KIF16B: variants seen among roughly 807,000 people sequenced by gnomAD.
KIF16B encodes kinesin family member 16B, also known as kinesin-like protein KIF16B.
In KIF16B, 98 loss-of-function variants were observed where a neutral mutation model predicts 156.3. The observed-to-expected ratio is 0.63, with a 90% CI of 0.53 to 0.74. The LOEUF is 0.74. KIF16B is among the 30% of genes least tolerant of loss of function. The pLI is 0.00. For missense variants in KIF16B, 1,421 were observed against 1,606.5 expected, an observed-to-expected ratio of 0.88 and a Z score of 1.97; for synonymous variants, 564 against 583.7, an observed-to-expected ratio of 0.97 and a Z score of 0.49.
At chr20:16,341,679 T>G (rs2064141477) in intron 23 of KIF16B, among the ~76,000 whole-genome samples, 1 of 152,244 alleles carries the variant, frequency 6.6e-6, no homozygotes, top group Admixed American at 6.5e-5. Context: ...TAGAAATGCA[T>G]GTTCTGAGGT....
At chr20:16,567,571 C>G (rs564707988) in intron 1 of KIF16B, among the ~76,000 whole-genome samples, 1 of 152,318 alleles carries the variant, frequency 6.6e-6, no homozygotes, top group South Asian at 2.1e-4. Flanking sequence ...GCTGGCTCAA[C>G]CCAGCATTAT....
At chr20:16,442,622 G>A (rs983918566) in intron 12 of KIF16B, among the ~76,000 whole-genome samples, 9 of 151,882 alleles carry the variant, frequency 5.9e-5, no homozygotes, top group African/African-American at 2.2e-4. Flanking sequence ...AAATCCTCTG[G>A]TTTATCTCTT....
intron 1 of KIF16B, among the ~76,000 whole-genome samples, chr20:16,570,938 A>T (rs1052363251): frequency 2.2e-4 from 33 of 152,280 alleles, no homozygotes; most frequent in African/African-American, 6.3e-4. Flanking sequence ...CCAAATGTCG[A>T]TCCTCAAATC....
At chr20:16,326,985 A>C (rs890665844) in intron 24 of KIF16B, among the ~76,000 whole-genome samples, 3 of 150,910 alleles carry the variant, frequency 2.0e-5, no homozygotes, top group African/African-American at 7.3e-5. Context: ...TAACATATAT[A>C]TGTGTGTATG....
At chr20:16,278,503 T>G (rs1601472589) in intron 25 of KIF16B, among the ~76,000 whole-genome samples, 1 of 152,324 alleles carries the variant, frequency 6.6e-6, no homozygotes, top group Non-Finnish European at 1.5e-5. Flanking sequence ...AGTGCTGACA[T>G]AGAGTACCTC....
intron 3 of KIF16B, among the ~76,000 whole-genome samples, chr20:16,519,337 G>T (rs1048186399): frequency 9.9e-5 from 15 of 152,042 alleles, no homozygotes; most frequent in Non-Finnish European, 1.5e-5. Context: ...GGCTGGACTT[G>T]TCCTGGCCTC....
chr20:16,437,986 T>TAA (rs774876495), intron 12 of KIF16B, among the ~76,000 whole-genome samples: 20 of 99,498 alleles, frequency 2.0e-4, no homozygotes, highest in Middle Eastern at 5.0e-3. Flanking sequence ...TAAAAAAAAA[T>TAA]AATAAAAAAA....
chr20:16,571,748 A>G (rs1600723665), intron 1 of KIF16B, among the ~76,000 whole-genome samples: 1 of 151,690 alleles, frequency 6.6e-6, no homozygotes, highest in African/African-American at 2.4e-5. Flanking sequence ...TCCTGCCTCA[A>G]CCTCACGAGT....
intron 23 of KIF16B, among the ~76,000 whole-genome samples, chr20:16,337,768 C>T (rs2064067047): frequency 6.6e-6 from 1 of 152,182 alleles, no homozygotes; most frequent in African/African-American, 2.4e-5. Context: ...CTTCCTCCGG[C>T]CCACAGCCCA....
intron 12 of KIF16B, among the ~76,000 whole-genome samples, chr20:16,434,217 A>T (rs1484402891): frequency 6.6e-6 from 1 of 152,240 alleles, no homozygotes; most frequent in Non-Finnish European, 1.5e-5. Flanking sequence ...AATTTAAAAC[A>T]CATGCCCTTT....
intron 2 of KIF16B, among the ~76,000 whole-genome samples, chr20:16,527,157 T>C (rs1337892130): frequency 6.6e-6 from 1 of 152,070 alleles, no homozygotes; most frequent in Non-Finnish European, 1.5e-5. Flanking sequence ...CATGAGAATA[T>C]GCGAGAGGCC....
chr20:16,413,897 G>A (rs1420323758), intron 15 of KIF16B, among the ~76,000 whole-genome samples: 2 of 151,976 alleles, frequency 1.3e-5, no homozygotes, highest in African/African-American at 4.8e-5. Context: ...AACTGAGGTA[G>A]GGCAGGTAAA....
At chr20:16,439,926 A>G (rs1331795355) in intron 12 of KIF16B, among the ~76,000 whole-genome samples, 1 of 152,124 alleles carries the variant, frequency 6.6e-6, no homozygotes, top group Admixed American at 6.6e-5. Flanking sequence ...GGAATTCAAG[A>G]TGAGATTTGG....
At chr20:16,450,070 G>T (rs1229308706) in intron 12 of KIF16B, among the ~76,000 whole-genome samples, 2 of 152,092 alleles carry the variant, frequency 1.3e-5, no homozygotes, top group African/African-American at 2.4e-5. Context: ...GTACAAGAAT[G>T]GCAAACATAC....
chr20:16,332,228 A>G (rs556575192), intron 24 of KIF16B, among the ~76,000 whole-genome samples: 4 of 152,260 alleles, frequency 2.6e-5, no homozygotes, highest in Admixed American at 2.6e-4. Context: ...AAGGCAAGTT[A>G]TTTACATCTC....
intron 25 of KIF16B, among the ~76,000 whole-genome samples, chr20:16,309,659 A>C (rs908656906): frequency 6.6e-6 from 1 of 152,216 alleles, no homozygotes; most frequent in Non-Finnish European, 1.5e-5. Context: ...ACACAACTGA[A>C]TCCCTACTTA....
intron 15 of KIF16B, among the ~76,000 whole-genome samples, chr20:16,420,815 A>G (rs1317831888): frequency 6.6e-6 from 1 of 152,108 alleles, no homozygotes; most frequent in Non-Finnish European, 1.5e-5. Context: ...AACCACTCCA[A>G]TTAACCAGAA....
chr20:16,326,679 T>C (rs1385346388), intron 24 of KIF16B, among the ~76,000 whole-genome samples: 1 of 151,946 alleles, frequency 6.6e-6, no homozygotes, highest in African/African-American at 2.4e-5. Context: ...ATAAAAGATG[T>C]TGGCATGGAT....
chr20:16,339,905 T>TAA (rs1460458243), intron 23 of KIF16B, among the ~76,000 whole-genome samples: 6 of 152,192 alleles, frequency 3.9e-5, no homozygotes, highest in African/African-American at 1.4e-4. Context: ...CTTATAGTCT[T>TAA]GCCTCCTTCC....
Sources: gnomAD v4.1 joint callset for allele counts (sites outside exome capture counted in the v4.1 genomes callset) on GRCh38, gnomAD v4.1.1 for gene constraint, MANE v1.5 for transcripts, NCBI Gene and HGNC (gene_info 2026-07-23, HGNC 2026-07-21) for gene names.